SLC22A9: variants seen among roughly 807,000 people sequenced by gnomAD.
SLC22A9 encodes organic anion transporter 7.
SLC22A9 carries 64 observed loss-of-function variants against 50.1 expected under a neutral mutation model. That is an observed-to-expected ratio of 1.28 (90% CI 1.04 to 1.57). The LOEUF is 1.57. Ranked by LOEUF, SLC22A9 falls within the 40% of genes most tolerant of loss-of-function variation. SLC22A9 has a pLI of 0.00. For missense variants in SLC22A9, 757 were observed against 676.1 expected (o/e 1.12, Z -1.33); for synonymous variants, 261 against 242.5 (o/e 1.08, Z -0.71).
intron 6 of SLC22A9, among the ~76,000 whole-genome samples, chr11:63,390,998 G>A (rs568504290): frequency 4.6e-5 from 7 of 152,022 alleles, no homozygotes; most frequent in African/African-American, 1.2e-4. Context: ...GCTGTATCCC[G>A]TAGGTTTTGA....
Position 63,370,076 on chromosome 11 carries a change from TG to T in SLC22A9, c.23del (p.Gly8ValfsTer66), listed in dbSNP as rs773052158. MAFQDLLGHAGDLWRFQ... is the reference protein window; with the variant it reads MAFQDLXGHAGDLWRFQ... ...ACCTCAATGGCCTTTCAGGACCTCC[TG>T]GGTCACGCTGGTGACCTGTGGAGAT... On this transcript the variant is annotated frameshift_variant, in exon 1 of 10. Transcript: ENST00000279178. LOFTEE classifies it high-confidence loss of function. 1.9e-4 allele frequency: 307 copies of T among 1,612,650 alleles called. 1 individual carries two copies. The highest frequency in any genetic ancestry group is 2.6e-4 in the Non-Finnish European group (303 of 1,179,248).
chr11:63,380,632 G>A (rs529170271), intron 5 of SLC22A9, among the ~76,000 whole-genome samples: 45 of 152,240 alleles, frequency 3.0e-4, no homozygotes, highest in Admixed American at 1.2e-3. Flanking sequence ...GCTAAACATT[G>A]GTCCAAATGG....
intron 3 of SLC22A9, 38 bp downstream of exon 3, chr11:63,373,836 G>T (rs781406411): frequency 3.1e-6 from 5 of 1,604,362 alleles, no homozygotes; most frequent in Non-Finnish European, 4.3e-6. Flanking sequence ...TCCAAACTGT[G>T]ACTTTGAAAT....
intron 6 of SLC22A9, among the ~76,000 whole-genome samples, chr11:63,396,842 C>T (rs1001987221): frequency 6.6e-6 from 1 of 152,138 alleles, no homozygotes; most frequent in Non-Finnish European, 1.5e-5. Context: ...GGTCACATAT[C>T]TCTGTCTCTC....
At chr11:63,403,870 G>A (rs995568086) in intron 6 of SLC22A9, among the ~76,000 whole-genome samples, 1 of 151,992 alleles carries the variant, frequency 6.6e-6, no homozygotes, top group Admixed American at 6.6e-5. Flanking sequence ...AGTGTTCAAA[G>A]GATATGGAGA....
At chr11:63,389,326 TCC>T (rs2014722128) in intron 6 of SLC22A9, among the ~76,000 whole-genome samples, 1 of 150,702 alleles carries the variant, frequency 6.6e-6, no homozygotes, top group African/African-American at 2.4e-5. Context: ...ATGCTATCCC[TCC>T]CCCTTCCCCC....
intron 6 of SLC22A9, among the ~76,000 whole-genome samples, chr11:63,393,666 G>T (rs1484152002): frequency 6.6e-6 from 1 of 152,054 alleles, no homozygotes; most frequent in South Asian, 2.1e-4. Context: ...TGCTTTTCCT[G>T]CTGTTAGTCT....
Position 63,409,840 on chromosome 11 carries a change from G to T in SLC22A9, c.1640G>T (p.Arg547Ile), listed in dbSNP as rs755168099. 3.7e-6 allele frequency: 6 copies of T among 1,613,698 alleles called. No individual in the cohort carries two copies. The highest frequency in any genetic ancestry group is 5.1e-6 in the Non-Finnish European group (6 of 1,179,828). Residue 547 changes from arginine (R) to isoleucine (I), a missense_variant, in exon 10 of 10, where the codon AGA (arginine) becomes ATA (isoleucine). By Grantham distance (97) the Arg-to-Ile change is moderately conservative. Transcript: ENST00000279178. ...AGAGAACCAAAGCAAGAGGATCCGA[G>T]AGTGGAAGTGACGCAGTTTTAAGGA... is the stretch of plus-strand genomic sequence containing the variant. ...DPREPKQEDP[R>I]VEVTQF
Position 63,408,127 on chromosome 11 carries a change from G to C in SLC22A9, c.1304G>C (p.Arg435Pro), listed in dbSNP as rs144303933. 6.2e-7 allele frequency: 1 copy of C among 1,613,494 alleles called. No homozygotes were observed. Among genetic ancestry groups the C allele is most frequent in the Non-Finnish European group, 8.5e-7 (1 of 1,179,628 alleles). ...CTTTCTCCAGAAATGCAGACGCTGC[G>C]TGAGGTTTTGGCAACACTGGGCTTA... The part of the protein sequence containing the change: ...IFVPQEMQTL[R>P]EVLATLGLGA... Residue 435 changes from arginine (R) to proline (P), a missense_variant, in exon 8 of 10, where the codon CGT (arginine) becomes CCT (proline). Coordinates refer to ENST00000279178, the MANE Select transcript of SLC22A9 (RefSeq NM_080866.3).
At chr11:63,383,916 G>T (rs1418153912) in intron 6 of SLC22A9, among the ~76,000 whole-genome samples, 1 of 152,066 alleles carries the variant, frequency 6.6e-6, no homozygotes, top group Non-Finnish European at 1.5e-5. Context: ...GGGCGTGGTG[G>T]TGCACGCCTG....
intron 6 of SLC22A9, among the ~76,000 whole-genome samples, chr11:63,391,040 G>T (rs189477675): frequency 6.6e-6 from 1 of 152,072 alleles, no homozygotes; most frequent in Admixed American, 6.6e-5. Context: ...TTTGTTTCAA[G>T]AAACTTTTAA....
intron 6 of SLC22A9, among the ~76,000 whole-genome samples, chr11:63,384,422 T>G (rs981516828): frequency 2.0e-5 from 3 of 152,306 alleles, no homozygotes; most frequent in South Asian, 2.1e-4. Context: ...ATTAGTTTGC[T>G]GAGGATAATG....
chr11:63,406,418 C>T lies in SLC22A9; in HGVS notation c.1074-79C>T. 3.1e-6 allele frequency: 4 copies of T among 1,306,888 alleles called. 1 individual carries two copies. The highest frequency in any genetic ancestry group is 1.5e-5 in the African/African-American group (1 of 68,080). 81.0% of individuals were successfully genotyped at this position (1,306,888 alleles called of 1,614,324 possible). ...TTATACTTTAACAATCCCTAGCTGC[C>T]TGGGCCAATATTATTCTCATTTGTA... On this transcript the variant is annotated intron_variant, in intron 6 of 9. Coordinates refer to ENST00000279178, the MANE Select transcript of SLC22A9 (RefSeq NM_080866.3).
At chr11:63,408,626 C>G (rs1373015884) in intron 8 of SLC22A9, 50 bp from the exon 9 acceptor site, 2 of 1,522,562 alleles carry the variant, frequency 1.3e-6, no homozygotes, top group Non-Finnish European at 1.8e-6. Context: ...TCACAAATTG[C>G]CTGTGTGGAT....
intron 6 of SLC22A9, among the ~76,000 whole-genome samples, chr11:63,387,037 A>G (rs1038462150): frequency 2.6e-5 from 4 of 152,060 alleles, no homozygotes; most frequent in Admixed American, 1.3e-4. Flanking sequence ...ACTTAGTGCT[A>G]TAAATTTCCC....
chr11:63,375,926 G>C (rs1047264933), intron 5 of SLC22A9, among the ~76,000 whole-genome samples, 158 bp downstream of exon 5: 1 of 152,138 alleles, frequency 6.6e-6, no homozygotes, highest in African/African-American at 2.4e-5. Context: ...CTTCAATATT[G>C]TTTGGGTTAA....
chr11:63,398,087 T>C (rs185619256), intron 6 of SLC22A9, among the ~76,000 whole-genome samples: 2 of 152,306 alleles, frequency 1.3e-5, no homozygotes, highest in African/African-American at 2.4e-5. Context: ...CCAAGGTTTT[T>C]TAGTCAGCAG....
At chr11:63,406,265 C>A (rs1406950624) in intron 6 of SLC22A9, among the ~76,000 whole-genome samples, 1 of 152,172 alleles carries the variant, frequency 6.6e-6, no homozygotes, top group East Asian at 1.9e-4. Flanking sequence ...ATTTAAGCAT[C>A]TAACTTCCAG....
chr11:63,378,072 A>G (rs568793169), intron 5 of SLC22A9, among the ~76,000 whole-genome samples: 2 of 152,132 alleles, frequency 1.3e-5, no homozygotes, highest in Non-Finnish European at 2.9e-5. Flanking sequence ...AGTCAACTAG[A>G]AAAATCCCTG....
Sources: gnomAD v4.1 joint callset for allele counts (sites outside exome capture counted in the v4.1 genomes callset) on GRCh38, gnomAD v4.1.1 for gene constraint, MANE v1.5 for transcripts, NCBI Gene and HGNC (gene_info 2026-07-23, HGNC 2026-07-21) for gene names.